Variants in SLC44A5 observed in about 807,000 individuals in gnomAD.
The protein encoded by SLC44A5 is solute carrier family 44 member 5.
Under a neutral mutation model 101.8 loss-of-function variants are expected in SLC44A5, and 57 were observed. The observed-to-expected ratio is 0.56, with a 90% CI of 0.45 to 0.70. The LOEUF is 0.70. SLC44A5 is among the 30% of genes least tolerant of loss of function. SLC44A5 has a pLI of 0.00. For synonymous variants in SLC44A5, 281 were observed against 290.9 expected (o/e 0.97, Z 0.35); for missense variants, 737 against 853.1 (o/e 0.86, Z 1.70).
At chr1:75,454,337 T>A (rs541297583) in intron 2 of SLC44A5, among the ~76,000 whole-genome samples, 1 of 152,118 alleles carries the variant, frequency 6.6e-6, no homozygotes, top group East Asian at 1.9e-4. Context: ...AAAGCTTTGA[T>A]GAAATCCAAC....
the SLC44A5 span, among the ~76,000 whole-genome samples, chr1:75,616,438 G>C: frequency 6.6e-6 from 1 of 152,198 alleles, no homozygotes; most frequent in Admixed American, 6.5e-5. Flanking sequence ...GTCTGCCTCC[G>C]GCCTGCCTTC....
chr1:75,418,367 TA>T (rs1663792755), intron 2 of SLC44A5, among the ~76,000 whole-genome samples: 1 of 152,216 alleles, frequency 6.6e-6, no homozygotes, highest in Non-Finnish European at 1.5e-5. Flanking sequence ...AAAGAAAACG[TA>T]ACTAGTAATT....
At chr1:75,636,266 G>T in the SLC44A5 span, among the ~76,000 whole-genome samples, 1 of 151,964 alleles carries the variant, frequency 6.6e-6, no homozygotes, top group Non-Finnish European at 1.5e-5. Flanking sequence ...TCCTAAGACT[G>T]TTATAAGAAT....
At chr1:75,515,413 T>A (rs568795609) in intron 2 of SLC44A5, among the ~76,000 whole-genome samples, 1 of 152,100 alleles carries the variant, frequency 6.6e-6, no homozygotes, top group Non-Finnish European at 1.5e-5. Flanking sequence ...ATTTTGTACC[T>A]TTAACCATTA....
chr1:75,544,208 G>C (rs183155278), intron 1 of SLC44A5, among the ~76,000 whole-genome samples: 25 of 152,190 alleles, frequency 1.6e-4, no homozygotes, highest in Non-Finnish European at 2.9e-4. Flanking sequence ...CCGATTTGTT[G>C]CTTACTTTCT....
intron 4 of SLC44A5, among the ~76,000 whole-genome samples, chr1:75,328,589 G>A (rs888890165): frequency 3.9e-5 from 6 of 152,150 alleles, no homozygotes; most frequent in African/African-American, 7.2e-5. Context: ...TGGCAACTAC[G>A]ACTTCTAAGA....
At chr1:75,635,586 C>A in the SLC44A5 span, among the ~76,000 whole-genome samples, 36,627 of 143,846 alleles carry the variant, frequency 0.25, 4,990 homozygotes, top group Middle Eastern at 0.39. Context: ...TGTTCTCACT[C>A]ATAGGTGGGA....
intron 2 of SLC44A5, among the ~76,000 whole-genome samples, chr1:75,514,044 T>C (rs1385868259): frequency 6.6e-6 from 1 of 152,160 alleles, no homozygotes; most frequent in Non-Finnish European, 1.5e-5. Flanking sequence ...GGAGTCTCTC[T>C]ATAGTGCCCA....
intron 4 of SLC44A5, among the ~76,000 whole-genome samples, chr1:75,319,594 C>T (rs1262729613): frequency 6.6e-6 from 1 of 152,178 alleles, no homozygotes; most frequent in Non-Finnish European, 1.5e-5. Context: ...TTCTCCTGAA[C>T]TATATTCTGT....
chr1:75,708,225 A>G, the SLC44A5 span, among the ~76,000 whole-genome samples: 1 of 94,020 alleles, frequency 1.1e-5, no homozygotes, highest in Non-Finnish European at 2.3e-5. Context: ...CAGCCTGGCA[A>G]CATGGGGAAA....
At chr1:75,530,280 CAA>C (rs1670646086) in intron 2 of SLC44A5, among the ~76,000 whole-genome samples, 1 of 152,052 alleles carries the variant, frequency 6.6e-6, no homozygotes, top group Non-Finnish European at 1.5e-5. Flanking sequence ...CTCTTAATAT[CAA>C]GAGTATAAAA....
the SLC44A5 span, among the ~76,000 whole-genome samples, chr1:75,687,098 A>G: frequency 1.3e-5 from 2 of 152,132 alleles, no homozygotes; most frequent in Non-Finnish European, 2.9e-5. Context: ...GGGTCTGAAA[A>G]ACAGGATGTG....
the SLC44A5 span, among the ~76,000 whole-genome samples, chr1:75,655,352 C>T: frequency 2.6e-5 from 4 of 152,052 alleles, no homozygotes; most frequent in Non-Finnish European, 5.9e-5. Flanking sequence ...TCTTCAGGTG[C>T]CCAGGAAGGG....
At chr1:75,392,755 G>T (rs997860174) in intron 3 of SLC44A5, among the ~76,000 whole-genome samples, 1 of 152,116 alleles carries the variant, frequency 6.6e-6, no homozygotes, top group African/African-American at 2.4e-5. Context: ...ATCAAACTAG[G>T]TGCCCATCAA....
At position 75,329,572 on chromosome 1, in the gene SLC44A5, T is replaced by C. The variant is rs373991478; in HGVS notation, c.101+10010A>G. 6.6e-5 allele frequency among the ~76,000 whole-genome samples: 10 copies of C among 152,274 alleles called. No individual in the cohort carries two copies. In the South Asian group the frequency reaches 1.4e-3, roughly 22 times the overall value. Reference sequence around the variant, plus strand: ...ATTAGTGGTTGAAATTTTAAGTTTATTGGGAGCATAGTCTGTGTCTTATTC... The same window carrying C: ...ATTAGTGGTTGAAATTTTAAGTTTACTGGGAGCATAGTCTGTGTCTTATTC... On this transcript the variant is annotated intron_variant, in intron 4 of 23. Coordinates refer to ENST00000370859, the MANE Select transcript of SLC44A5 (RefSeq NM_001130058.2).
intron 6 of SLC44A5, among the ~76,000 whole-genome samples, chr1:75,261,391 C>G (rs543444099): frequency 6.6e-6 from 1 of 152,062 alleles, no homozygotes; most frequent in Admixed American, 6.5e-5. Flanking sequence ...CTGTAAACAC[C>G]TCTACTCAAA....
intron 2 of SLC44A5, among the ~76,000 whole-genome samples, chr1:75,495,941 G>A (rs1668649120): frequency 6.6e-6 from 1 of 151,922 alleles, no homozygotes; most frequent in South Asian, 2.1e-4. Flanking sequence ...TATCTTTTGT[G>A]CTACAAACAA....
chr1:75,499,105 A>G (rs1570455895), intron 2 of SLC44A5, among the ~76,000 whole-genome samples: 1 of 152,190 alleles, frequency 6.6e-6, no homozygotes, highest in African/African-American at 2.4e-5. Flanking sequence ...GCAATAAGCT[A>G]TACCATATAG....
At chr1:75,300,533 A>AT in intron 5 of SLC44A5, 79 bp downstream of exon 5, 5 of 957,824 alleles carry the variant, frequency 5.2e-6, no homozygotes, top group Non-Finnish European at 6.2e-6. Context: ...GAAGACAATA[A>AT]TTAATTTTTT....
Sources: allele counts gnomAD v4.1 joint callset (sites outside exome capture counted in the v4.1 genomes callset), GRCh38; gene constraint gnomAD v4.1.1; transcripts MANE v1.5; gene names NCBI Gene and HGNC (gene_info 2026-07-23, HGNC 2026-07-21).